ZNF549: variants seen among roughly 807,000 people sequenced by gnomAD.
ZNF549 encodes zinc finger protein 549.
In ZNF549, 11 loss-of-function variants were observed where a neutral mutation model predicts 11.1. The observed-to-expected ratio is 0.99, with a 90% CI of 0.62 to 1.64. The LOEUF is 1.64. Among genes scored for constraint, ZNF549 ranks in the 40% most tolerant of loss-of-function variants. The probability of loss-of-function intolerance (pLI) is 0.00; values close to 1 mark genes in which losing one functional copy is unlikely to be tolerated. For synonymous variants in ZNF549, 266 were observed against 269.1 expected, an observed-to-expected ratio of 0.99 and a Z score of 0.11; for missense variants, 748 against 765.1, an observed-to-expected ratio of 0.98 and a Z score of 0.26.
Position 57,538,241 on chromosome 19 carries a change from G to T in ZNF549, c.1237G>T (p.Gly413Ter), listed in dbSNP as rs2089936564. ...SLLDHHRIHT[G>*]ERPYECKECG... ...TCTTGATCACCATAGAATCCACACG[G>T]GAGAAAGGCCTTATGAGTGCAAAGA... The change falls in exon 4 of 4, where the codon GGA (glycine) becomes TGA (stop). Residue 413 changes from glycine (G) to a stop codon, truncating the protein, a stop_gained. Transcript: ENST00000376233. LOFTEE classifies it low-confidence loss of function (END_TRUNC). The T allele has an allele frequency of 6.2e-7, 1 of 1,612,872 alleles. No homozygotes were observed. Among genetic ancestry groups the T allele is most frequent in the Non-Finnish European group, 8.5e-7 (1 of 1,179,744 alleles).
rs2123319987 is a variant in ZNF549, at chr19:57,538,969, C to G, written c.*42C>G. ...TAATTGTCTTATTCACTGTAGGACA[C>G]CAGAGAGCTGATTTTTCAAGGGATC... On this transcript the variant is annotated 3_prime_UTR_variant, in exon 4 of 4. Transcript: ENST00000376233. 6.5e-7 allele frequency: 1 copy of G among 1,537,230 alleles called. No individual in the cohort carries two copies. The highest frequency in any genetic ancestry group is 2.3e-5 in the East Asian group (1 of 44,290).
At position 57,538,685 on chromosome 19, in the gene ZNF549, G is replaced by T. The variant is rs1228584053; in HGVS notation, c.1681G>T (p.Glu561Ter). ...HTGEKPCECSECGKCFRHRTS... is the reference protein window; with the variant it reads ...HTGEKPCECS ...TGGCGAAAAGCCCTGTGAGTGCAGTGAATGTGGGAAATGCTTTAGACACCG... is the reference window on the plus strand; with the variant it reads ...TGGCGAAAAGCCCTGTGAGTGCAGTTAATGTGGGAAATGCTTTAGACACCG... The change falls in exon 4 of 4, where the codon GAA (glutamate) becomes TAA (stop). Residue 561 changes from glutamate (E) to a stop codon, truncating the protein, a stop_gained. Transcript: ENST00000376233. LOFTEE classifies it low-confidence loss of function (END_TRUNC). 1 of 1,614,096 alleles carries T rather than the reference G, an allele frequency of 6.2e-7. No homozygotes were observed. The highest frequency in any genetic ancestry group is 8.5e-7 in the Non-Finnish European group (1 of 1,180,040).
chr19:57,527,688 C>T (rs1463340912), intron 1 of ZNF549, 82 bp downstream of exon 1: 5 of 1,531,534 alleles, frequency 3.3e-6, no homozygotes, highest in Non-Finnish European at 4.5e-6. Context: ...GCAGTTCAGG[C>T]CTCTTCTCCA....
rs1319254545 is a variant in ZNF549, at chr19:57,535,582, C to G, written c.199+312C>G. Among the ~76,000 whole-genome samples the G allele has an allele frequency of 2.0e-5, 3 of 152,118 alleles. No homozygotes were observed. In the East Asian group the frequency reaches 5.8e-4, roughly 29 times the overall value. ...GTGGTGGACCTGTGTTACAGGTTCT[C>G]CCCCTGCCTTTAGTAGACGTGTCTT... On this transcript the variant is annotated intron_variant, in intron 3 of 3. Coordinates refer to ENST00000376233, the MANE Select transcript of ZNF549 (RefSeq NM_001199295.2).
intron 1 of ZNF549, among the ~76,000 whole-genome samples, chr19:57,529,852 C>G (rs554639599): frequency 1.3e-5 from 2 of 152,046 alleles, no homozygotes; most frequent in South Asian, 4.1e-4. Flanking sequence ...CACCACTACA[C>G]TCCAGCCTGG....
chr19:57,536,678 A>T (rs1364488519), intron 3 of ZNF549, among the ~76,000 whole-genome samples: 1 of 152,096 alleles, frequency 6.6e-6, no homozygotes, highest in Non-Finnish European at 1.5e-5. Flanking sequence ...TTCCCACCAT[A>T]GTACCCCATT....
At chr19:57,529,065 A>G (rs1233225190) in intron 1 of ZNF549, among the ~76,000 whole-genome samples, 2 of 152,214 alleles carry the variant, frequency 1.3e-5, no homozygotes, top group African/African-American at 4.8e-5. Flanking sequence ...CTTTCTGATC[A>G]GGAGGCAAAC....
intron 2 of ZNF549, among the ~76,000 whole-genome samples, chr19:57,534,833 G>A (rs968643204): frequency 1.3e-5 from 2 of 152,348 alleles, no homozygotes; most frequent in South Asian, 4.1e-4. Context: ...AGTTCAAGGT[G>A]TAGCAGTCAC....
chr19:57,536,745 A>G (rs553176143), intron 3 of ZNF549, among the ~76,000 whole-genome samples: 1 of 152,142 alleles, frequency 6.6e-6, no homozygotes, highest in South Asian at 2.1e-4. Context: ...AAGAGGCCTA[A>G]TACTGCAAGT....
At position 57,537,449 on chromosome 19, in the gene ZNF549, C is replaced by G. The variant is rs2089930399; in HGVS notation, c.445C>G (p.Gln149Glu). The G allele has an allele frequency of 6.2e-7, 1 of 1,614,102 alleles. No individual in the cohort carries two copies. The highest frequency in any genetic ancestry group is 1.7e-5 in the Admixed American group (1 of 60,006). ...KWFSFGSNLQ[Q>E]HQNQDSGEKH... ...GTTTTCATTTGGTTCTAACCTGCAA[C>G]AGCACCAGAACCAGGACAGTGGAGA... Residue 149 changes from glutamine (Q) to glutamate (E), a missense_variant, in exon 4 of 4, where the codon CAG becomes GAG. Physicochemically the swap from Gln to Glu is conservative, Grantham distance 29 (BLOSUM62 2). Transcript: ENST00000376233.
intron 1 of ZNF549, among the ~76,000 whole-genome samples, chr19:57,530,131 G>A (rs1217810309): frequency 6.6e-6 from 1 of 152,168 alleles, no homozygotes; most frequent in Non-Finnish European, 1.5e-5. Context: ...AGCAGACAAG[G>A]TGGAGTCTCT....
chr19:57,537,800 C>G lies in ZNF549; in HGVS notation c.796C>G (p.Gln266Glu). 6.2e-7 allele frequency: 1 copy of G among 1,614,136 alleles called. No homozygotes were observed. The highest frequency in any genetic ancestry group is 8.5e-7 in the Non-Finnish European group (1 of 1,180,010). ...CTCTAAATACTTATTTGTTGAACAC[C>G]AGAGAACCCATAATGCAGAAAAGCC... ...LNSKYLFVEH[Q>E]RTHNAEKPYV... Residue 266 changes from glutamine to glutamate, a missense_variant, in exon 4 of 4, where the codon CAG (glutamine) becomes GAG (glutamate). Physicochemically the swap from Gln to Glu is conservative, Grantham distance 29. Transcript: ENST00000376233.
Position 57,538,012 on chromosome 19 carries a change from A to G in ZNF549, c.1008A>G (p.Val336=), listed in dbSNP as rs2089934719. The G allele has an allele frequency of 1.2e-6, 2 of 1,614,100 alleles. No individual in the cohort carries two copies. The highest frequency in any genetic ancestry group is 2.2e-5 in the South Asian group (2 of 91,094). The change falls in exon 4 of 4, where the codon GTA becomes GTG. Residue 336 remains valine (V), a synonymous_variant. Transcript: ENST00000376233. Reference sequence around the variant, plus strand: ...GAGAAAAGCCTTATGTGTGCAATGTATGTGGGAAATCATTCCGCCACAAAC... The same window carrying G: ...GAGAAAAGCCTTATGTGTGCAATGTGTGTGGGAAATCATTCCGCCACAAAC... ...HNGEKPYVCN[V]CGKSFRHKQT...
intron 2 of ZNF549, among the ~76,000 whole-genome samples, chr19:57,533,849 A>G (rs2089913490): frequency 6.6e-6 from 1 of 151,720 alleles, no homozygotes; most frequent in African/African-American, 2.4e-5. Context: ...TCCATTTTTC[A>G]GTCTGTTTAA....
chr19:57,535,408 C>A, intron 3 of ZNF549, 138 bp downstream of exon 3: 1 of 1,289,402 alleles, frequency 7.8e-7, no homozygotes, highest in Non-Finnish European at 1.0e-6. Flanking sequence ...AAGACATAGG[C>A]GTTGTGGTTG....
chr19:57,539,463 T>A lies in ZNF549; in HGVS notation c.*536T>A, dbSNP rs2089945540. On this transcript the variant is annotated 3_prime_UTR_variant, in exon 4 of 4. Coordinates refer to ENST00000376233, the MANE Select transcript of ZNF549 (RefSeq NM_001199295.2). ...GTATGTGCTCTGCCAGTGTGAAGGGTGAACAGCTCCAACTTTATGTCCCCC... is the reference window on the plus strand; with the variant it reads ...GTATGTGCTCTGCCAGTGTGAAGGGAGAACAGCTCCAACTTTATGTCCCCC... 1 of 152,814 alleles carries A rather than the reference T, an allele frequency of 6.5e-6. No individual in the cohort carries two copies. Among genetic ancestry groups the A allele is most frequent in the Non-Finnish European group, 1.5e-5 (1 of 68,672 alleles). 9.5% of individuals were successfully genotyped at this position (152,814 alleles called of 1,614,324 possible).
intron 2 of ZNF549, among the ~76,000 whole-genome samples, chr19:57,531,999 C>T (rs557758658): frequency 7.9e-5 from 12 of 152,322 alleles, no homozygotes; most frequent in South Asian, 4.1e-4. Flanking sequence ...AGCACCGCTT[C>T]GACTGCATCT....
chr19:57,537,877 T>G lies in ZNF549; in HGVS notation c.873T>G (p.Val291=). The change falls in exon 4 of 4, where the codon GTT becomes GTG. Residue 291 remains valine (V), a synonymous_variant. Coordinates refer to ENST00000376233, the MANE Select transcript of ZNF549 (RefSeq NM_001199295.2). ...CATTCCTCCATAAACAAACACTCGT[T>G]GGGCACCAGCAGAGAATTCACACTA... The part of the protein sequence containing the change: ...GKSFLHKQTL[V]GHQQRIHTRE... The G allele has an allele frequency of 1.9e-6, 3 of 1,613,520 alleles. No individual in the cohort carries two copies. Among genetic ancestry groups the G allele is most frequent in the Non-Finnish European group, 2.5e-6 (3 of 1,179,642 alleles).
At position 57,537,693 on chromosome 19, in the gene ZNF549, A is replaced by G; in HGVS notation, c.689A>G (p.Glu230Gly). 1.2e-6 allele frequency: 2 copies of G among 1,614,212 alleles called. No individual in the cohort carries two copies. The highest frequency in any genetic ancestry group is 1.7e-6 in the Non-Finnish European group (2 of 1,180,034). The change falls in exon 4 of 4, where the codon GAG (glutamate) becomes GGG (glycine). Residue 230 changes from glutamate to glycine, a missense_variant. By Grantham distance (98) the Glu-to-Gly change is moderately conservative. Coordinates refer to ENST00000376233, the MANE Select transcript of ZNF549 (RefSeq NM_001199295.2). ...TACAAATGTGAGCAAGTTTTCAATG[A>G]GAAAGTTCATGTTACTGAGCATCAG... is the stretch of plus-strand genomic sequence containing the variant. The part of the protein sequence containing the change: ...RRYKCEQVFN[E>G]KVHVTEHQRV...
Sources: gnomAD v4.1 joint callset for allele counts (sites outside exome capture counted in the v4.1 genomes callset) on GRCh38, gnomAD v4.1.1 for gene constraint, MANE v1.5 for transcripts, NCBI Gene and HGNC (gene_info 2026-07-23, HGNC 2026-07-21) for gene names.